AFAP1L2: variants seen among roughly 807,000 people sequenced by gnomAD.
AFAP1L2 encodes actin filament associated protein 1 like 2.
Under a neutral mutation model 99.3 loss-of-function variants are expected in AFAP1L2, and 46 were observed. The observed-to-expected ratio is 0.46, with a 90% CI of 0.37 to 0.59. AFAP1L2 has a LOEUF of 0.59. Among genes scored for constraint, AFAP1L2 ranks in the 20% least tolerant of loss-of-function variants. The pLI, the probability that AFAP1L2 is intolerant of heterozygous loss-of-function variation, is 0.00. For missense variants in AFAP1L2, 959 were observed against 1,034.9 expected (o/e 0.93, Z 1.01); for synonymous variants, 397 against 419.1 (o/e 0.95, Z 0.64).
At chr10:114,346,771 G>A (rs576854662) in intron 1 of AFAP1L2, among the ~76,000 whole-genome samples, 3 of 152,176 alleles carry the variant, frequency 2.0e-5, no homozygotes, top group African/African-American at 7.2e-5. Context: ...AGGGTTGTCT[G>A]CTTAGGGTCA....
chr10:114,357,075 A>G (rs1362128783), intron 1 of AFAP1L2, among the ~76,000 whole-genome samples: 1 of 152,190 alleles, frequency 6.6e-6, no homozygotes, highest in African/African-American at 2.4e-5. Context: ...TTTGAGTTGG[A>G]CCATTGTTTT....
intron 1 of AFAP1L2, among the ~76,000 whole-genome samples, chr10:114,352,124 C>G (rs1358829601): frequency 6.6e-6 from 1 of 152,120 alleles, no homozygotes; most frequent in Non-Finnish European, 1.5e-5. Flanking sequence ...AGAAAAAACT[C>G]TCCATAGACT....
At chr10:114,290,051 A>G (rs913109434), downstream of AFAP1L2, 2 of 626,276 alleles carry the variant, frequency 3.2e-6, no homozygotes, top group Admixed American at 3.1e-5. Flanking sequence ...TGGACTCTCC[A>G]TGAGTCTGTA....
At chr10:114,340,275 G>A (rs766566351) in intron 2 of AFAP1L2, among the ~76,000 whole-genome samples, 19 of 150,242 alleles carry the variant, frequency 1.3e-4, no homozygotes, top group South Asian at 2.1e-4. Context: ...AACCATGATC[G>A]CGCCACTGCA....
the AFAP1L2 span, chr10:114,281,396 G>A: frequency 6.6e-6 from 1 of 152,340 alleles, no homozygotes; most frequent in African/African-American, 2.4e-5. Flanking sequence ...GTCATGGTCA[G>A]GGTTTGGATC....
At chr10:114,354,052 C>T (rs961928366) in intron 1 of AFAP1L2, among the ~76,000 whole-genome samples, 35 of 152,220 alleles carry the variant, frequency 2.3e-4, no homozygotes, top group Admixed American at 7.8e-4. Flanking sequence ...TCATGGAGCA[C>T]GACCGCTGTG....
At chr10:114,362,331 T>C (rs905971399) in intron 1 of AFAP1L2, among the ~76,000 whole-genome samples, 17 of 152,312 alleles carry the variant, frequency 1.1e-4, no homozygotes, top group African/African-American at 3.9e-4. Context: ...AGTTGGATCT[T>C]TGCAGATGTA....
rs200839428 is a variant in AFAP1L2, at chr10:114,300,515, G to A, written c.1718C>T (p.Pro573Leu). Reference protein sequence around the residue: ...SCLDNATEALPADSGPGPTPD... With the variant: ...SCLDNATEALLADSGPGPTPD... ...GGTGGGACCTGGGCCTGAGTCTGCC[G>A]GGAGGGCCTCAGTTGCATTGTCCAG... The change falls in exon 14 of 19, where the codon CCG (proline) becomes CTG (leucine). Residue 573 changes from proline (P) to leucine (L), a missense_variant. By Grantham distance (98) the Pro-to-Leu change is moderately conservative. Transcript: ENST00000304129. 32 of 1,614,102 alleles carry A rather than the reference G, an allele frequency of 2.0e-5. No individual in the cohort carries two copies. The highest frequency in any genetic ancestry group is 5.0e-5 in the Admixed American group (3 of 60,026).
At chr10:114,379,776 T>A (rs2055350114) in intron 1 of AFAP1L2, among the ~76,000 whole-genome samples, 1 of 152,154 alleles carries the variant, frequency 6.6e-6, no homozygotes, top group Non-Finnish European at 1.5e-5. Context: ...AAACCCCAAG[T>A]GTTTGATAAG....
chr10:114,286,279 T>C, the AFAP1L2 span: 1 of 1,610,568 alleles, frequency 6.2e-7, no homozygotes. Flanking sequence ...ACCGGCCACG[T>C]AGAGTGGTGG....
At chr10:114,351,198 C>T (rs2050417840) in intron 1 of AFAP1L2, among the ~76,000 whole-genome samples, 3 of 152,224 alleles carry the variant, frequency 2.0e-5, no homozygotes, top group Middle Eastern at 6.8e-3. Context: ...GGTGGAGGGG[C>T]TATGGGAAAT....
At chr10:114,322,732 A>G (rs1345537885) in intron 5 of AFAP1L2, among the ~76,000 whole-genome samples, 1 of 152,192 alleles carries the variant, frequency 6.6e-6, no homozygotes, top group African/African-American at 2.4e-5. Context: ...CGGGAGCACC[A>G]TAACTATGAG....
At chr10:114,297,527 TG>T (rs2040446565) in intron 16 of AFAP1L2, 114 bp from the exon 17 acceptor site, 5 of 1,151,412 alleles carry the variant, frequency 4.3e-6, no homozygotes, top group Non-Finnish European at 6.1e-6. Flanking sequence ...ACCACAGGTC[TG>T]GCCCCAACAC....
At position 114,300,745 on chromosome 10, in the gene AFAP1L2, T is replaced by A. The variant is rs115246128; in HGVS notation, c.1543-55A>T. On this transcript the variant is annotated intron_variant, in intron 13 of 18. Coordinates refer to ENST00000304129, the MANE Select transcript of AFAP1L2 (RefSeq NM_001001936.3). ...AACATTACCTCTACTCCCTCAGCTG[T>A]GGAGGGGGTACCAGCCCTGCCTCAC... is the stretch of plus-strand genomic sequence containing the variant. The A allele has an allele frequency of 5.6e-3, 8,633 of 1,530,782 alleles. 453 individuals are homozygous for A. In the African/African-American group the frequency reaches 0.1, roughly 18 times the overall value. 94.8% of individuals were successfully genotyped at this position (1,530,782 alleles called of 1,614,324 possible).
At chr10:114,312,213 G>A (rs2043352084) in intron 7 of AFAP1L2, among the ~76,000 whole-genome samples, 1 of 150,802 alleles carries the variant, frequency 6.6e-6, no homozygotes, top group African/African-American at 2.4e-5. Context: ...GAACAGAGCG[G>A]GGAACTGGGG....
intron 18 of AFAP1L2, 24 bp downstream of exon 18, chr10:114,296,954 G>A (rs756272524): frequency 6.2e-7 from 1 of 1,613,884 alleles, no homozygotes; most frequent in Non-Finnish European, 8.5e-7. Context: ...CTGGCCCCAA[G>A]GGAGGCTGGG....
intron 4 of AFAP1L2, among the ~76,000 whole-genome samples, chr10:114,329,683 G>T (rs2135525285): frequency 6.6e-6 from 1 of 152,336 alleles, no homozygotes; most frequent in East Asian, 1.9e-4. Flanking sequence ...GAGGGGCTGT[G>T]CTCTTCCCCC....
At chr10:114,396,739 G>C (rs559059495) in intron 1 of AFAP1L2, among the ~76,000 whole-genome samples, 8 of 152,310 alleles carry the variant, frequency 5.3e-5, no homozygotes, top group African/African-American at 1.7e-4. Flanking sequence ...TTCCCAGGGT[G>C]GGAACCTGAG....
intron 1 of AFAP1L2, among the ~76,000 whole-genome samples, chr10:114,383,305 C>CA (rs1320868582): frequency 6.8e-6 from 1 of 146,472 alleles, no homozygotes; most frequent in African/African-American, 2.5e-5. Context: ...AAGGAGCAGG[C>CA]AAAAAACAGG....
Sources: allele counts gnomAD v4.1 joint callset (sites outside exome capture counted in the v4.1 genomes callset), GRCh38; gene constraint gnomAD v4.1.1; transcripts MANE v1.5; gene names NCBI Gene and HGNC (gene_info 2026-07-23, HGNC 2026-07-21).